Variants in ECE1 observed in about 807,000 individuals in gnomAD.
ECE1 encodes endothelin converting enzyme 1, also known as endothelin-converting enzyme 1.
A neutral mutation model predicts 98.6 loss-of-function variants in ECE1; 35 were observed. The observed-to-expected ratio is 0.35, with a 90% CI of 0.27 to 0.47. The LOEUF (loss-of-function observed/expected upper bound fraction) is 0.47. ECE1 is among the 20% of genes least tolerant of loss of function. The pLI, the probability that ECE1 is intolerant of heterozygous loss-of-function variation, is 1.00. For missense variants in ECE1, 814 were observed against 1,025.3 expected (o/e 0.79, Z 2.81); for synonymous variants, 394 against 407.1 (o/e 0.97, Z 0.39).
At chr1:21,308,449 A>C (rs1317424016) in intron 1 of ECE1, among the ~76,000 whole-genome samples, 1 of 152,110 alleles carries the variant, frequency 6.6e-6, no homozygotes, top group East Asian at 1.9e-4. Context: ...ATTGGGAGTA[A>C]CAAGAGGAAG....
chr1:21,292,809 G>A (rs530551125), upstream of ECE1, among the ~76,000 whole-genome samples: 3 of 152,342 alleles, frequency 2.0e-5, no homozygotes, highest in South Asian at 2.1e-4. Flanking sequence ...AGGCCCTGGG[G>A]AGGCAGGGTG....
chr1:21,290,743 G>T (rs1418516179), upstream of ECE1, among the ~76,000 whole-genome samples: 1 of 152,228 alleles, frequency 6.6e-6, no homozygotes. The surrounding 1 kb of genome is among the most constrained non-coding windows in gnomAD (Gnocchi z 7.3). Context: ...TCAGGAAGGT[G>T]CCCTCGATGT....
chr1:21,276,215 G>A (rs1269309131), intron 3 of ECE1, among the ~76,000 whole-genome samples: 3 of 151,936 alleles, frequency 2.0e-5, no homozygotes, highest in Admixed American at 1.3e-4. Context: ...TAGTAGACAC[G>A]AGGTTTCACC....
Position 21,255,940 on chromosome 1 carries a change from A to C in ECE1, c.1020+7T>G. The stretch of plus-strand genomic sequence containing the variant: ...CCAGCCTCCCTAGCAGCCGGCGCTC[A>C]AGTTACCTGCAGCTCGGCTGCCGTC... On this transcript the variant is annotated splice_region_variant and intron_variant, in intron 8 of 18. Transcript: ENST00000374893. The C allele has an allele frequency of 6.2e-7, 1 of 1,613,946 alleles. No individual in the cohort carries two copies. Among genetic ancestry groups the C allele is most frequent in the Non-Finnish European group, 8.5e-7 (1 of 1,179,948 alleles).
rs1490226700 is a variant in ECE1 at position 21,322,770 on chromosome 1, A to G, written c.3+22606T>C. Among the ~76,000 whole-genome samples the G allele has an allele frequency of 6.6e-6, 1 of 152,222 alleles. No individual in the cohort carries two copies. Among genetic ancestry groups the G allele is most frequent in the Non-Finnish European group, 1.5e-5 (1 of 68,036 alleles). ...CAGGAAGGACAAGAGGTTCTGATCT[A>G]GCACTCTGCTGAGAGAAAGAAACGG... is the stretch of plus-strand genomic sequence containing the variant. On this transcript the variant is annotated intron_variant, in intron 1 of 18. Coordinates refer to the ECE1 transcript ENST00000415912. The surrounding 1 kb of genome is among the most constrained non-coding windows in gnomAD (Gnocchi z 4.1).
chr1:21,254,589 C>G (rs939226456), intron 8 of ECE1, among the ~76,000 whole-genome samples: 6 of 152,208 alleles, frequency 3.9e-5, no homozygotes, highest in Admixed American at 2.0e-4. Context: ...ATTCCTGGCA[C>G]AGACAGTTGG....
chr1:21,299,014 C>T, intron 1 of ECE1: 1 of 389,124 alleles, frequency 2.6e-6, no homozygotes, highest in Non-Finnish European at 5.2e-6. Context: ...TGTGTGATGA[C>T]CAGGCTGGGG....
intron 1 of ECE1, among the ~76,000 whole-genome samples, chr1:21,338,426 T>C (rs940957977): frequency 1.3e-5 from 2 of 152,126 alleles, no homozygotes; most frequent in Admixed American, 6.6e-5. Flanking sequence ...GCAAACAAAA[T>C]GGGTACTGCT....
In ECE1 at chr1:21,345,135, C is replaced by A. The variant is rs1449191475; in HGVS notation, c.3+241G>T. 6.1e-6 allele frequency: 2 copies of A among 329,136 alleles called. No homozygotes were observed. The highest frequency in any genetic ancestry group is 9.7e-6 in the Non-Finnish European group (2 of 205,806). The allele number at this position is 329,136 out of a possible 1,614,324, so 20.4% of individuals were successfully genotyped here. On this transcript the variant is annotated intron_variant, in intron 1 of 18. Transcript: ENST00000415912. The surrounding 1 kb of genome is among the most constrained non-coding windows in gnomAD (Gnocchi z 5.1). ...CCGAGCCCCCCACATCCGGCTGGGA[C>A]CAGAACCAAGCTCGGCGCGGCCGCC...
In ECE1 at chr1:21,327,145, G is replaced by A. The variant is rs911791289; in HGVS notation, c.3+18231C>T. ...AGCTGCCAGACTCTGCAGGCAGCAG[G>A]GCATGGGGAGGGACGAAGCCACCAG... On this transcript the variant is annotated intron_variant, in intron 1 of 18. Coordinates refer to the ECE1 transcript ENST00000415912. This position sits in a 1 kb window ranked among gnomAD's most constrained non-coding sequence, Gnocchi z 4.6. 1.3e-5 allele frequency among the ~76,000 whole-genome samples: 2 copies of A among 152,218 alleles called. No individual in the cohort carries two copies. The highest frequency in any genetic ancestry group is 4.8e-5 in the African/African-American group (2 of 41,450).
chr1:21,220,569 G>C lies in ECE1; in HGVS notation c.2137-438C>G, dbSNP rs773128465. Among the ~76,000 whole-genome samples, 1 of 152,076 alleles carries C rather than the reference G, an allele frequency of 6.6e-6. No individual in the cohort carries two copies. The highest frequency in any genetic ancestry group is 1.5e-5 in the Non-Finnish European group (1 of 68,002). ...CAGCACTTTAAGAGGCCAAGGTGGC[G>C]GTGGATCACTTGAGGCCAGGAGTTC... On this transcript the variant is annotated intron_variant, in intron 18 of 18. Transcript: ENST00000374893. This position sits in a 1 kb window ranked among gnomAD's most constrained non-coding sequence, Gnocchi z 5.0.
At chr1:21,279,154 G>A (rs2098251254) in intron 3 of ECE1, 37 bp downstream of exon 3, 1 of 1,613,890 alleles carries the variant, frequency 6.2e-7, no homozygotes, top group Admixed American at 1.7e-5. Context: ...GGGTGCAGGA[G>A]TGAGTCAAGC....
At position 21,218,011 on chromosome 1, in the gene ECE1, C is replaced by A. The variant is rs553349065; in HGVS notation, c.*1944G>T. 1 of 152,430 alleles carries A rather than the reference C, an allele frequency of 6.6e-6. No individual in the cohort carries two copies. The highest frequency in any genetic ancestry group is 1.5e-5 in the Non-Finnish European group (1 of 68,282). The allele number at this position is 152,430 out of a possible 1,614,324, so 9.4% of individuals were successfully genotyped here. A position where few individuals can be genotyped will look rare whatever the true frequency, so the allele number is the denominator to read the frequency against. Reference sequence around the variant, plus strand: ...GGGAAAGCGGTGGCTGTGGAGGGCACGTGCTGCCCCCACCTCCGTCTCGGG... The same window carrying A: ...GGGAAAGCGGTGGCTGTGGAGGGCAAGTGCTGCCCCCACCTCCGTCTCGGG... On this transcript the variant is annotated 3_prime_UTR_variant, in exon 19 of 19. Coordinates refer to ENST00000374893, the MANE Select transcript of ECE1 (RefSeq NM_001397.3). This position sits in a 1 kb window ranked among gnomAD's most constrained non-coding sequence, Gnocchi z 4.0.
chr1:21,291,290 C>T (rs1252589048), upstream of ECE1, among the ~76,000 whole-genome samples: 5 of 152,328 alleles, frequency 3.3e-5, no homozygotes, highest in East Asian at 1.9e-4. Context: ...AAGGACTCTC[C>T]GCTTCTAGCA....
At chr1:21,237,352 G>T (rs2098189669) in intron 11 of ECE1, among the ~76,000 whole-genome samples, 2 of 152,142 alleles carry the variant, frequency 1.3e-5, no homozygotes, top group African/African-American at 4.8e-5. Context: ...CAAGCTCGAA[G>T]ATGGAAAGTT....
chr1:21,239,337 G>A (rs2098192797), intron 10 of ECE1, among the ~76,000 whole-genome samples: 1 of 152,218 alleles, frequency 6.6e-6, no homozygotes, highest in Non-Finnish European at 1.5e-5. Context: ...ATGACCACGT[G>A]TGGTGGCCCT....
chr1:21,337,091 G>A (rs932693697), intron 1 of ECE1, among the ~76,000 whole-genome samples: 1 of 152,168 alleles, frequency 6.6e-6, no homozygotes, highest in Non-Finnish European at 1.5e-5. Flanking sequence ...CTCTGACCCA[G>A]GAGTTGCACT....
In ECE1 at chr1:21,255,935, C is replaced by T. The variant is rs776730935; in HGVS notation, c.1020+12G>A. 1.2e-5 allele frequency: 19 copies of T among 1,613,738 alleles called. 1 individual carries two copies. The highest frequency in any genetic ancestry group is 5.0e-5 in the Admixed American group (3 of 60,030). On this transcript the variant is annotated intron_variant, in intron 8 of 18. Coordinates refer to ENST00000374893, the MANE Select transcript of ECE1 (RefSeq NM_001397.3). ...CCATCCCAGCCTCCCTAGCAGCCGGCGCTCAAGTTACCTGCAGCTCGGCTG... is the reference window on the plus strand; with the variant it reads ...CCATCCCAGCCTCCCTAGCAGCCGGTGCTCAAGTTACCTGCAGCTCGGCTG...
At chr1:21,259,715 A>ACACCTACTG (rs1028294956) in intron 5 of ECE1, among the ~76,000 whole-genome samples, 3 of 152,110 alleles carry the variant, frequency 2.0e-5, no homozygotes, top group African/African-American at 7.2e-5. Context: ...ACATCCACAG[A>ACACCTACTG]CACCTACTGT....
Sources: allele counts gnomAD v4.1 joint callset (sites outside exome capture counted in the v4.1 genomes callset), GRCh38; gene constraint gnomAD v4.1.1; non-coding constraint Gnocchi (gnomAD v3.1); transcripts MANE v1.5; gene names NCBI Gene and HGNC (gene_info 2026-07-23, HGNC 2026-07-21).